Variants in WDR81 observed in about 807,000 individuals in gnomAD.
The protein encoded by WDR81 is WD repeat domain 81.
A neutral mutation model predicts 140.8 loss-of-function variants in WDR81; 92 were observed. The ratio of observed to expected loss-of-function variants is 0.65; its 90% CI spans 0.55 to 0.78. WDR81 has a LOEUF of 0.78. WDR81 is among the 30% of genes least tolerant of loss of function. The pLI, the probability that WDR81 is intolerant of heterozygous loss-of-function variation, is 0.00. For synonymous variants in WDR81, 1,183 were observed against 1,156.4 expected, an observed-to-expected ratio of 1.02 and a Z score of -0.47; for missense variants, 2,502 against 2,636.4, an observed-to-expected ratio of 0.95 and a Z score of 1.12.
At chr17:1,722,240 A>G (rs978872438), upstream of WDR81, among the ~76,000 whole-genome samples, 1 of 152,188 alleles carries the variant, frequency 6.6e-6, no homozygotes, top group Non-Finnish European at 1.5e-5. Context: ...GTAAGTTACT[A>G]CTGCCCAGGA....
At position 1,730,491 on chromosome 17, in the gene WDR81, AG is replaced by A. The variant is rs763657715; in HGVS notation, c.3775+6del. On this transcript the variant is annotated splice_donor_5th_base_variant and intron_variant, in intron 2 of 9. Coordinates refer to ENST00000409644, the MANE Select transcript of WDR81 (RefSeq NM_001163809.2). The stretch of plus-strand genomic sequence containing the variant: ...CTGCTGACGTCTTGTTATGTTGGTA[AG>A]GAGGCCTGCGGTCAGTGCTGGAGAT... 8.1e-6 allele frequency: 13 copies of A among 1,612,082 alleles called. No homozygotes were observed. In the South Asian group the frequency reaches 1.4e-4, roughly 18 times the overall value.
At chr17:1,719,132 T>G (rs2151154759) in intron 1 of WDR81, among the ~76,000 whole-genome samples, 1 of 152,222 alleles carries the variant, frequency 6.6e-6, no homozygotes, top group East Asian at 1.9e-4. Flanking sequence ...ACACTTAGAT[T>G]CAAATTCCAG....
At chr17:1,729,976 G>A (rs764748110) in intron 1 of WDR81, among the ~76,000 whole-genome samples, 1 of 143,990 alleles carries the variant, frequency 6.9e-6, no homozygotes, top group Non-Finnish European at 1.5e-5. Context: ...GGGCAACAGT[G>A]CGAGACTCTG....
In WDR81 at chr17:1,726,787, G is replaced by C; in HGVS notation, c.1828G>C (p.Val610Leu). Residue 610 changes from valine (V) to leucine (L), a missense_variant, in exon 1 of 10, where the codon GTC (valine) becomes CTC (leucine). By Grantham distance (32) the Val-to-Leu change is conservative (BLOSUM62 1). Coordinates refer to ENST00000409644, the MANE Select transcript of WDR81 (RefSeq NM_001163809.2). ...GCCTCCCCTCATCCCCAAGCTGTTGGTCCAGACCATCCAGGAGACCACAGG... is the reference window on the plus strand; with the variant it reads ...GCCTCCCCTCATCCCCAAGCTGTTGCTCCAGACCATCCAGGAGACCACAGG... ...PEPPLIPKLL[V>L]QTIQETTGRE... The C allele has an allele frequency of 6.5e-7, 1 of 1,548,960 alleles. No homozygotes were observed. Among genetic ancestry groups the C allele is most frequent in the South Asian group, 1.2e-5 (1 of 84,052 alleles).
In WDR81 at chr17:1,738,003, G is replaced by A. The variant is rs1905029900; in HGVS notation, c.*318G>A. On this transcript the variant is annotated 3_prime_UTR_variant, in exon 10 of 10. Transcript: ENST00000409644. ...GCTCTGCCCTCTGGGTCCACATGAG[G>A]ACAGGGAAGCTCGGGAAGGGGAAGG... The A allele has an allele frequency of 2.2e-6, 1 of 444,958 alleles. No individual in the cohort carries two copies. Among genetic ancestry groups the A allele is most frequent in the African/African-American group, 2.0e-5 (1 of 50,816 alleles). The allele number at this position is 444,958 out of a possible 1,614,324, so 27.6% of individuals were successfully genotyped here.
Position 1,731,269 on chromosome 17 carries a change from G to A in WDR81, c.4157+11G>A, listed in dbSNP as rs1262054256. 1 of 1,611,818 alleles carries A rather than the reference G, an allele frequency of 6.2e-7. No individual in the cohort carries two copies. Among genetic ancestry groups the A allele is most frequent in the South Asian group, 1.1e-5 (1 of 90,854 alleles). On this transcript the variant is annotated intron_variant, in intron 4 of 9. Transcript: ENST00000409644. Reference sequence around the variant, plus strand: ...CTCCCTCGTCACGGGGTAGGCCTCTGCCCCAGCTGATGTAGGGGGACCGGC... The same window carrying A: ...CTCCCTCGTCACGGGGTAGGCCTCTACCCCAGCTGATGTAGGGGGACCGGC...
chr17:1,726,289 G>A lies in WDR81; in HGVS notation c.1330G>A (p.Val444Met), dbSNP rs1915255443. ...TCATGTTCCCCACCACATCTCAGAC[G>A]TGCTCTCCGACATCACGTACTATGT... ...PPHVPHHISD[V>M]LSDITYYVYK... Residue 444 changes from valine (V) to methionine (M), a missense_variant, in exon 1 of 10, where the codon GTG (valine) becomes ATG (methionine). Physicochemically the swap from Val to Met is conservative, Grantham distance 21. Around this residue, in one of 3 missense-constraint regions of WDR81, gnomAD observed 218 missense variants for 279.6 expected, o/e 0.78. Coordinates refer to ENST00000409644, the MANE Select transcript of WDR81 (RefSeq NM_001163809.2). 1.9e-6 allele frequency: 3 copies of A among 1,541,872 alleles called. No homozygotes were observed. The highest frequency in any genetic ancestry group is 1.2e-5 in the South Asian group (1 of 82,940).
At position 1,735,432 on chromosome 17, in the gene WDR81, A is replaced by G. The variant is rs966588638; in HGVS notation, c.5180-140A>G. On this transcript the variant is annotated intron_variant, in intron 7 of 9. Transcript: ENST00000409644. This position sits in a 1 kb window ranked among gnomAD's most constrained non-coding sequence, Gnocchi z 4.2. ...CGACAAAGCGAGACTCCATCTCAAA[A>G]AAAGAGAAACATCTTTAGCATTTTC... 6 of 994,630 alleles carry G rather than the reference A, an allele frequency of 6.0e-6. No homozygotes were observed. The African/African-American group carries it at 6.8e-5, about 11-fold the overall frequency. The allele number at this position is 994,630 out of a possible 1,614,324, so 61.6% of individuals were successfully genotyped here.
Position 1,726,440 on chromosome 17 carries a change from A to G in WDR81, c.1481A>G (p.Glu494Gly). 1.9e-6 allele frequency: 3 copies of G among 1,550,284 alleles called. No homozygotes were observed. The highest frequency in any genetic ancestry group is 2.0e-5 in the Admixed American group (1 of 51,000). The change falls in exon 1 of 10, where the codon GAG (glutamate) becomes GGG (glycine). Residue 494 changes from glutamate (E) to glycine (G), a missense_variant. By Grantham distance (98) the Glu-to-Gly change is moderately conservative. Around this residue, in one of 3 missense-constraint regions of WDR81, gnomAD observed 218 missense variants for 279.6 expected, o/e 0.78. Coordinates refer to ENST00000409644, the MANE Select transcript of WDR81 (RefSeq NM_001163809.2). ...TGGACCCCGGATGAGTGCATTCCGGAGTTCTACACCGATCCCTCTATCTTC... is the reference window on the plus strand; with the variant it reads ...TGGACCCCGGATGAGTGCATTCCGGGGTTCTACACCGATCCCTCTATCTTC... ...QNWTPDECIP[E>G]FYTDPSIFRS...
At position 1,733,634 on chromosome 17, in the gene WDR81, C is replaced by T; in HGVS notation, c.4597C>T (p.Pro1533Ser). 1 of 1,600,142 alleles carries T rather than the reference C, an allele frequency of 6.2e-7. No individual in the cohort carries two copies. The highest frequency in any genetic ancestry group is 8.5e-7 in the Non-Finnish European group (1 of 1,172,510). Residue 1533 changes from proline (P) to serine (S), a missense_variant, in exon 7 of 10, where the codon CCC becomes TCC. Pro to Ser is a moderately conservative substitution (Grantham distance 74). Around this residue, in one of 3 missense-constraint regions of WDR81, gnomAD observed 1,737 missense variants for 1,843.0 expected, o/e 0.94. Coordinates refer to ENST00000409644, the MANE Select transcript of WDR81 (RefSeq NM_001163809.2). ...CAGTCGCAACCCTGCCAGCGTGGAGCCCACCATGCCCGGCACCGGGCCCGA... is the reference window on the plus strand; with the variant it reads ...CAGTCGCAACCCTGCCAGCGTGGAGTCCACCATGCCCGGCACCGGGCCCGA... ...PSSRNPASVE[P>S]TMPGTGPEWD...
In WDR81 at chr17:1,733,774, C is replaced by A. The variant is rs111943038; in HGVS notation, c.4737C>A (p.Pro1579=). ...QIPNDSRPEN[P]GPLGPISGVG... Reference sequence around the variant, plus strand: ...CCAATGACTCTCGGCCTGAGAACCCCGGACCACTGGGCCCCATCTCGGGGG... The same window carrying A: ...CCAATGACTCTCGGCCTGAGAACCCAGGACCACTGGGCCCCATCTCGGGGG... The change falls in exon 7 of 10, where the codon CCC becomes CCA. Residue 1579 remains proline, a synonymous_variant. Coordinates refer to ENST00000409644, the MANE Select transcript of WDR81 (RefSeq NM_001163809.2). 6.2e-7 allele frequency: 1 copy of A among 1,612,458 alleles called. No individual in the cohort carries two copies. Among genetic ancestry groups the A allele is most frequent in the South Asian group, 1.1e-5 (1 of 91,068 alleles).
intron 1 of WDR81, among the ~76,000 whole-genome samples, chr17:1,718,072 T>A (rs1026881718): frequency 1.3e-5 from 2 of 152,104 alleles, no homozygotes; most frequent in Non-Finnish European, 2.9e-5. Context: ...TGTCTGCTGA[T>A]GGGATCCTCC....
chr17:1,730,697 G>A, intron 2 of WDR81, 58 bp from the exon 3 acceptor site: 2 of 1,541,994 alleles, frequency 1.3e-6, no homozygotes, highest in Non-Finnish European at 1.7e-6. Flanking sequence ...GCCCTGCAGG[G>A]CCAGGCTACC....
chr17:1,730,444 C>T lies in WDR81; in HGVS notation c.3732C>T (p.His1244=), dbSNP rs780066736. ...TCGGCCCCACAGTGGCCTCTCGCCA[C>T]GTGGCCCGGAACCTGCTCCGCCTGC... The part of the protein sequence containing the change: ...AKLGPTVASR[H]VARNLLRLLT... The change falls in exon 2 of 10, where the codon CAC becomes CAT. Residue 1244 remains histidine (H), a synonymous_variant. Coordinates refer to ENST00000409644, the MANE Select transcript of WDR81 (RefSeq NM_001163809.2). The T allele has an allele frequency of 1.6e-5, 26 of 1,613,180 alleles. No individual in the cohort carries two copies. Among genetic ancestry groups the T allele is most frequent in the Non-Finnish European group, 1.9e-5 (23 of 1,179,954 alleles).
chr17:1,731,281 G>A, intron 4 of WDR81, 23 bp downstream of exon 4: 1 of 1,609,554 alleles, frequency 6.2e-7, no homozygotes, highest in Non-Finnish European at 8.5e-7. Flanking sequence ...CCCAGCTGAT[G>A]TAGGGGGACC....
Position 1,737,642 on chromosome 17 carries a change from T to G in WDR81, c.5783T>G (p.Leu1928Arg). 4 of 1,612,256 alleles carry G rather than the reference T, an allele frequency of 2.5e-6. No individual in the cohort carries two copies. Among genetic ancestry groups the G allele is most frequent in the Non-Finnish European group, 3.4e-6 (4 of 1,179,916 alleles). The part of the protein sequence containing the change: ...SLALLPTKRH[L>R]LLGSDNGVIR... ...GCCTTGCTGCCCACTAAACGCCACC[T>G]CCTGCTGGGCTCAGACAACGGGGTT... The change falls in exon 10 of 10, where the codon CTC becomes CGC. Residue 1928 changes from leucine (L) to arginine (R), a missense_variant. Around this residue, in one of 3 missense-constraint regions of WDR81, gnomAD observed 1,737 missense variants for 1,843.0 expected, o/e 0.94. Coordinates refer to ENST00000409644, the MANE Select transcript of WDR81 (RefSeq NM_001163809.2).
chr17:1,727,518 G>C lies in WDR81; in HGVS notation c.2559G>C (p.Gln853His), dbSNP rs564600488. The C allele has an allele frequency of 6.8e-5, 105 of 1,550,412 alleles. 2 individuals carry two copies. In the South Asian group the frequency reaches 1.2e-3, roughly 17 times the overall value. The part of the protein sequence containing the change: ...DQLFEYRPVS[Q>H]GLPPPCPSQL... Reference sequence around the variant, plus strand: ...TGTTTGAGTACAGGCCTGTCTCCCAGGGCCTGCCCCCACCCTGCCCAAGCC... The same window carrying C: ...TGTTTGAGTACAGGCCTGTCTCCCACGGCCTGCCCCCACCCTGCCCAAGCC... Residue 853 changes from glutamine (Q) to histidine (H), a missense_variant, in exon 1 of 10, where the codon CAG becomes CAC. This residue lies in a region of WDR81 where 1,737 missense variants were observed against 1,843.0 expected (regional missense o/e 0.94). Transcript: ENST00000409644.
chr17:1,725,405 A>G lies in WDR81; in HGVS notation c.446A>G (p.Asn149Ser), dbSNP rs1315795878. The G allele has an allele frequency of 6.5e-7, 1 of 1,549,550 alleles. No homozygotes were observed. ...MQEVAAQNYR[N>S]LWRHAYHTYG... Reference sequence around the variant, plus strand: ...GAGGTTGCCGCCCAGAATTATCGCAACCTGTGGCGCCATGCATACCACACT... The same window carrying G: ...GAGGTTGCCGCCCAGAATTATCGCAGCCTGTGGCGCCATGCATACCACACT... The change falls in exon 1 of 10, where the codon AAC becomes AGC. Residue 149 changes from asparagine (N) to serine (S), a missense_variant. Physicochemically the swap from Asn to Ser is conservative, Grantham distance 46 (BLOSUM62 1). This residue lies in a region of WDR81 where 547 missense variants were observed against 513.8 expected (regional missense o/e 1.06). Coordinates refer to ENST00000409644, the MANE Select transcript of WDR81 (RefSeq NM_001163809.2).
At chr17:1,734,870 A>G (rs540467635) in intron 7 of WDR81, among the ~76,000 whole-genome samples, 1 of 151,974 alleles carries the variant, frequency 6.6e-6, no homozygotes, top group Non-Finnish European at 1.5e-5. Flanking sequence ...TTTTGGCGTC[A>G]CCATAGGGAG....
Sources: allele counts gnomAD v4.1 joint callset (sites outside exome capture counted in the v4.1 genomes callset), GRCh38; gene constraint gnomAD v4.1.1; regional missense constraint gnomAD v4.1.1; non-coding constraint Gnocchi (gnomAD v3.1); transcripts MANE v1.5; gene names NCBI Gene and HGNC (gene_info 2026-07-23, HGNC 2026-07-21).